The following GSTA4 variants were observed in gnomAD, a reference collection of about 807,000 sequenced individuals.
GSTA4 encodes glutathione S-transferase alpha 4, also known as glutathione S-transferase A4.
GSTA4 carries 15 observed loss-of-function variants against 24.4 expected under a neutral mutation model. The ratio of observed to expected loss-of-function variants is 0.61; its 90% CI spans 0.41 to 0.95. The LOEUF (loss-of-function observed/expected upper bound fraction) is 0.95. Among genes scored for constraint, GSTA4 ranks in the 40% least tolerant of loss-of-function variants. The pLI is 0.00. For synonymous variants in GSTA4, 92 were observed against 94.2 expected, an observed-to-expected ratio of 0.98 and a Z score of 0.13; for missense variants, 244 against 262.1, an observed-to-expected ratio of 0.93 and a Z score of 0.48.
intron 5 of GSTA4, 124 bp from the exon 6 acceptor site, chr6:52,982,829 T>G (rs973298795): frequency 4.1e-6 from 3 of 735,020 alleles, no homozygotes; most frequent in Non-Finnish European, 6.9e-6. Context: ...CTTTCATAAA[T>G]AACATCAATT....
In GSTA4 at chr6:52,985,517, C is replaced by G. The variant is rs750712081; in HGVS notation, c.206G>C (p.Arg69Pro). 3 of 1,613,784 alleles carry G rather than the reference C, an allele frequency of 1.9e-6. No homozygotes were observed. The African/African-American group carries it at 4.0e-5, about 22-fold the overall frequency. The change falls in exon 4 of 7, where the codon CGA becomes CCA. Residue 69 changes from arginine to proline, a missense_variant. Physicochemically the swap from Arg to Pro is moderately radical, Grantham distance 103. Coordinates refer to ENST00000370963, the MANE Select transcript of GSTA4 (RefSeq NM_001512.4). ...GTCTGCTATGTAGTGGAGAATGCTT[C>G]GGGTCTGTACCAACTTCATCCCGTC... ...EIDGMKLVQT[R>P]SILHYIADKH...
intron 2 of GSTA4, among the ~76,000 whole-genome samples, chr6:52,990,466 C>T (rs1188698610): frequency 6.6e-6 from 1 of 152,198 alleles, no homozygotes; most frequent in Admixed American, 6.5e-5. Flanking sequence ...GGAGAGAGAC[C>T]AATCTAGCTT....
Position 52,982,529 on chromosome 6 carries a change from G to T in GSTA4, c.546+45C>A, listed in dbSNP as rs200508191. The T allele has an allele frequency of 1.8e-5, 27 of 1,486,254 alleles. No individual in the cohort carries two copies. The South Asian group carries it at 2.6e-4, about 14-fold the overall frequency. The allele number at this position is 1,486,254 out of a possible 1,614,324, so 92.1% of individuals were successfully genotyped here. A position where few individuals can be genotyped will look rare whatever the true frequency, so the allele number is the denominator to read the frequency against. The stretch of plus-strand genomic sequence containing the variant: ...ACCAAACAATAGACACTGAAGGAAG[G>T]CCCAAGAGTTCTAGGCCAATCTTCT... On this transcript the variant is annotated intron_variant, in intron 6 of 6. Coordinates refer to ENST00000370963, the MANE Select transcript of GSTA4 (RefSeq NM_001512.4).
chr6:52,994,512 T>C (rs1763728541), intron 1 of GSTA4: 1 of 414,232 alleles, frequency 2.4e-6, no homozygotes, highest in Admixed American at 3.8e-5. Flanking sequence ...GGGCCATTTG[T>C]TGTAAAAACA....
chr6:52,985,638 C>T (rs1763537996), intron 3 of GSTA4, 55 bp from the exon 4 acceptor site: 2 of 1,574,914 alleles, frequency 1.3e-6, no homozygotes, highest in African/African-American at 2.7e-5. Context: ...TCCCCCAACC[C>T]CTAAAAAATG....
rs868718262 is a variant in GSTA4 at position 52,978,276 on chromosome 6, C to A, written c.*194G>T. The A allele has an allele frequency of 5.4e-6, 3 of 558,392 alleles. No homozygotes were observed. The highest frequency in any genetic ancestry group is 2.0e-5 in the African/African-American group (1 of 50,478). The allele number at this position is 558,392 out of a possible 1,614,324, so 34.6% of individuals were successfully genotyped here. On this transcript the variant is annotated 3_prime_UTR_variant, in exon 7 of 7. Transcript: ENST00000370963. ...TCCAAAAAAGTTTTCCAATAAAGAT[C>A]CCCTAACAATTATTTACTGGACAAA...
At chr6:52,980,079 C>T (rs917256840) in intron 6 of GSTA4, among the ~76,000 whole-genome samples, 15 of 152,176 alleles carry the variant, frequency 9.9e-5, no homozygotes, top group African/African-American at 2.6e-4. Context: ...ACTGTATTTA[C>T]GCAGATAATG....
chr6:52,978,779 T>A (rs1003957451), intron 6 of GSTA4, among the ~76,000 whole-genome samples, 187 bp from the exon 7 acceptor site: 1 of 151,824 alleles, frequency 6.6e-6, no homozygotes, highest in African/African-American at 2.4e-5. Flanking sequence ...GGGCCACACA[T>A]AAAATACACT....
intron 6 of GSTA4, among the ~76,000 whole-genome samples, chr6:52,980,763 G>A (rs1285903888): frequency 1.3e-5 from 2 of 152,114 alleles, no homozygotes; most frequent in Non-Finnish European, 2.9e-5. Flanking sequence ...CTCCCCTGTG[G>A]CTCCCAACTC....
At position 52,994,200 on chromosome 6, in the gene GSTA4, C is replaced by G. The variant is rs759677885; in HGVS notation, c.44G>C (p.Arg15Pro). Residue 15 changes from arginine to proline, a missense_variant, in exon 2 of 7, where the codon CGG becomes CCG. By Grantham distance (103) the Arg-to-Pro change is moderately radical (BLOSUM62 -2). Transcript: ENST00000370963. ...TAAAACCCATCTCACGGACTCCATC[C>G]GGCCTCTTCCGTTGGGATAGTGGAG... ...PKLHYPNGRG[R>P]MESVRWVLAA... The G allele has an allele frequency of 6.2e-7, 1 of 1,613,596 alleles. No individual in the cohort carries two copies. Among genetic ancestry groups the G allele is most frequent in the Non-Finnish European group, 8.5e-7 (1 of 1,179,504 alleles).
chr6:52,980,354 C>A (rs490292), intron 6 of GSTA4, among the ~76,000 whole-genome samples: 1 of 151,404 alleles, frequency 6.6e-6, no homozygotes, highest in Non-Finnish European at 1.5e-5. Context: ...ACCCAGGCTG[C>A]AGTGCAGTGG....
intron 1 of GSTA4, among the ~76,000 whole-genome samples, chr6:52,994,891 G>A (rs1763739307): frequency 6.6e-6 from 1 of 152,124 alleles, no homozygotes; most frequent in Admixed American, 6.5e-5. Flanking sequence ...ATCTGAGATC[G>A]CACTCTCCCA....
At chr6:52,992,772 A>C (rs1283920999) in intron 2 of GSTA4, among the ~76,000 whole-genome samples, 1 of 152,192 alleles carries the variant, frequency 6.6e-6, no homozygotes, top group African/African-American at 2.4e-5. Flanking sequence ...AACAGGATGA[A>C]TAAATATAAT....
chr6:52,994,615 G>C (rs986154390), intron 1 of GSTA4, among the ~76,000 whole-genome samples: 1 of 152,160 alleles, frequency 6.6e-6, no homozygotes, highest in Non-Finnish European at 1.5e-5. Context: ...TGGGGGATAG[G>C]GGGTGGCAGG....
chr6:52,994,515 T>TA (rs1363546078), intron 1 of GSTA4: 5 of 407,190 alleles, frequency 1.2e-5, no homozygotes, highest in Admixed American at 3.9e-5. Flanking sequence ...CCATTTGTTG[T>TA]AAAAACATAT....
At chr6:52,987,849 C>T (rs45602842) in intron 2 of GSTA4, 7,148 of 154,136 alleles carry the variant, frequency 0.046, 229 homozygotes, top group Non-Finnish European at 0.067. Flanking sequence ...ATCCTAATTA[C>T]CCTGATTTGA....
intron 3 of GSTA4, among the ~76,000 whole-genome samples, chr6:52,987,081 G>A (rs980679815): frequency 6.6e-6 from 1 of 152,002 alleles, no homozygotes; most frequent in East Asian, 1.9e-4. Flanking sequence ...GGGGGAGGAA[G>A]AGATTGGAGG....
At chr6:52,994,319 AC>A in intron 1 of GSTA4, 58 bp from the exon 2 acceptor site, 1 of 873,616 alleles carries the variant, frequency 1.1e-6, no homozygotes, top group Non-Finnish European at 1.9e-6. Context: ...CGCGTCTTCA[AC>A]CCAGTGCTCA....
chr6:52,991,297 T>C (rs992584115), intron 2 of GSTA4, among the ~76,000 whole-genome samples: 3 of 152,194 alleles, frequency 2.0e-5, no homozygotes, highest in Admixed American at 6.5e-5. Flanking sequence ...TTGTAATCCC[T>C]AACAATGATG....
Sources: gnomAD v4.1 joint callset for allele counts (sites outside exome capture counted in the v4.1 genomes callset) on GRCh38, gnomAD v4.1.1 for gene constraint, MANE v1.5 for transcripts, NCBI Gene and HGNC (gene_info 2026-07-23, HGNC 2026-07-21) for gene names.